The following POLG variants were observed in gnomAD, a reference collection of about 807,000 sequenced individuals.
POLG encodes the protein DNA polymerase gamma, catalytic subunit, also known as DNA polymerase subunit gamma-1.
POLG carries 110 observed loss-of-function variants against 155.4 expected under a neutral mutation model. That is an observed-to-expected ratio of 0.71 (90% CI 0.61 to 0.83). The LOEUF is 0.83. Among genes scored for constraint, POLG ranks in the 40% least tolerant of loss-of-function variants. The probability of loss-of-function intolerance (pLI) is 0.00; values close to 1 mark genes in which losing one functional copy is unlikely to be tolerated. For missense variants in POLG, 1,685 were observed against 1,627.5 expected (o/e 1.04, Z -0.61); for synonymous variants, 701 against 631.5 (o/e 1.11, Z -1.65).
At chr15:89,323,059 GCA>G (rs55973654) in intron 13 of POLG, among the ~76,000 whole-genome samples, 157 bp from the exon 14 acceptor site, 11 of 150,620 alleles carry the variant, frequency 7.3e-5, no homozygotes, top group South Asian at 2.1e-4. Context: ...ACGCGCGCAC[GCA>G]CACACACACG....
chr15:89,333,772 C>G lies in POLG; in HGVS notation c.-18G>C. On this transcript the variant is annotated 5_prime_UTR_variant, in exon 2 of 23. Transcript: ENST00000268124. ...CGGCTCATGGTTGGTGCAGGGACCC[C>G]CACGCTGGGAGTCAGAACACCTGGC... 6.5e-7 allele frequency: 1 copy of G among 1,534,988 alleles called. No individual in the cohort carries two copies. Among genetic ancestry groups the G allele is most frequent in the East Asian group, 2.4e-5 (1 of 40,872 alleles).
intron 2 of POLG, 65 bp from the exon 3 acceptor site, chr15:89,330,341 A>C (rs2055578214): frequency 2.5e-6 from 3 of 1,215,032 alleles, no homozygotes; most frequent in African/African-American, 1.5e-5. Flanking sequence ...CACAACAACC[A>C]CTGCACACCT....
At position 89,316,416 on chromosome 15, in the gene POLG, G is replaced by C. The variant is rs2055265684; in HGVS notation, c.*335C>G. On this transcript the variant is annotated 3_prime_UTR_variant, in exon 23 of 23. Coordinates refer to ENST00000268124, the MANE Select transcript of POLG (RefSeq NM_002693.3). ...TTCTAGGGCACTGCATCAGAGCATG[G>C]GGGACAGAACAAAGAACCAGCCAAG... The C allele has an allele frequency of 6.2e-7, 1 of 1,611,762 alleles. No individual in the cohort carries two copies. Among genetic ancestry groups the C allele is most frequent in the Non-Finnish European group, 8.5e-7 (1 of 1,178,604 alleles).
chr15:89,327,126 C>CG, intron 7 of POLG, 41 bp downstream of exon 7: 1 of 1,614,158 alleles, frequency 6.2e-7, no homozygotes. Flanking sequence ...GCCCACCTGC[C>CG]AGTCCCCTGC....
chr15:89,325,414 G>A (rs2055501220), intron 10 of POLG, 36 bp downstream of exon 10: 1 of 1,445,688 alleles, frequency 6.9e-7, no homozygotes, highest in African/African-American at 1.4e-5. Context: ...GGGTCCCTAG[G>A]CTCCAGCCCC....
Position 89,318,997 on chromosome 15 carries a change from T to A in POLG, c.3207A>T (p.Ile1069=). The A allele has an allele frequency of 6.2e-7, 1 of 1,614,102 alleles. No individual in the cohort carries two copies. The highest frequency in any genetic ancestry group is 8.5e-7 in the Non-Finnish European group (1 of 1,179,992). ...AGCAGCCCAGCACCGGGGTACGTGGTATGTCAGACGTAGCAATGCTCTCAA... is the reference window on the plus strand; with the variant it reads ...AGCAGCCCAGCACCGGGGTACGTGGAATGTCAGACGTAGCAATGCTCTCAA... The part of the protein sequence containing the change: ...NKLESIATSD[I]PRTPVLGCCI... The change falls in exon 20 of 23, where the codon ATA becomes ATT. Residue 1069 remains isoleucine (I), a synonymous_variant. Coordinates refer to ENST00000268124, the MANE Select transcript of POLG (RefSeq NM_002693.3).
rs1391849070 is a variant in POLG, at chr15:89,321,816, T to A, written c.2518A>T (p.Ile840Phe). 1 of 1,614,000 alleles carries A rather than the reference T, an allele frequency of 6.2e-7. No homozygotes were observed. Among genetic ancestry groups the A allele is most frequent in the Admixed American group, 1.7e-5 (1 of 60,030 alleles). The change falls in exon 16 of 23, where the codon ATC (isoleucine) becomes TTC (phenylalanine). Residue 840 changes from isoleucine to phenylalanine, a missense_variant. Physicochemically the swap from Ile to Phe is conservative, Grantham distance 21 (BLOSUM62 0). Around this residue, in one of 3 missense-constraint regions of POLG, gnomAD observed 1,210 missense variants for 1,167.1 expected, o/e 1.04. Coordinates refer to ENST00000268124, the MANE Select transcript of POLG (RefSeq NM_002693.3). ...DYDEEGLYGA[I>F]LPQVVTAGTI... ...CCGGCAGTCACCACTTGGGGCAGGA[T>A]GGCCCCATAGAGGCCTTCCTCATCA...
chr15:89,320,167 C>T lies in POLG; in HGVS notation c.2981+599G>A, dbSNP rs151019796. On this transcript the variant is annotated intron_variant, in intron 18 of 22. Transcript: ENST00000268124. Reference sequence around the variant, plus strand: ...GTTGTTGACGAGAAAGTGAAGTTTCCACAATGAGCCAGCTAATTAAATGTG... The same window carrying T: ...GTTGTTGACGAGAAAGTGAAGTTTCTACAATGAGCCAGCTAATTAAATGTG... 2.4e-3 allele frequency among the ~76,000 whole-genome samples: 370 copies of T among 152,314 alleles called. 2 individuals are homozygous for T. Among genetic ancestry groups the T allele is most frequent in the Non-Finnish European group, 4.4e-3 (299 of 68,030 alleles).
rs756944016 is a variant in POLG, at chr15:89,323,806, A to G, written c.2157+9T>C. ...CCACCTAGAGAACCCAAGCCGGCGC[A>G]CTGCTCACCAGAGCTAGGGGTTGAC... On this transcript the variant is annotated intron_variant, in intron 12 of 22. Transcript: ENST00000268124. 2 of 1,610,866 alleles carry G rather than the reference A, an allele frequency of 1.2e-6. No homozygotes were observed. The highest frequency in any genetic ancestry group is 2.2e-5 in the South Asian group (2 of 91,026).
chr15:89,331,870 C>T (rs958655114), intron 2 of POLG, among the ~76,000 whole-genome samples: 1 of 151,532 alleles, frequency 6.6e-6, no homozygotes, highest in East Asian at 1.9e-4. Context: ...AGCAATGCCC[C>T]GAGTACCACT....
At position 89,321,219 on chromosome 15, in the gene POLG, G is replaced by A. The variant is rs1236111354; in HGVS notation, c.2640C>T (p.Ala880=). Reference sequence around the variant, plus strand: ...CACCCACAAGGGTGTAGCCAGGTGGGGCCTGCACCATGGCTTTCAACTCAC... The same window carrying A: ...CACCCACAAGGGTGTAGCCAGGTGGAGCCTGCACCATGGCTTTCAACTCAC... ...VGSELKAMVQ[A]PPGYTLVGAD... Residue 880 remains alanine (A), a synonymous_variant, in exon 17 of 23, where the codon GCC becomes GCT. Coordinates refer to ENST00000268124, the MANE Select transcript of POLG (RefSeq NM_002693.3). 1.6e-5 allele frequency: 26 copies of A among 1,614,010 alleles called. No individual in the cohort carries two copies. Among genetic ancestry groups the A allele is most frequent in the Non-Finnish European group, 2.1e-5 (25 of 1,179,968 alleles).
At chr15:89,329,214 C>T in intron 3 of POLG, 104 bp from the exon 4 acceptor site, 1 of 880,506 alleles carries the variant, frequency 1.1e-6, no homozygotes, top group Admixed American at 2.0e-5. Context: ...ACCTCAGCTC[C>T]TCAAACAGCC....
chr15:89,328,557 G>C, intron 5 of POLG, 22 bp from the exon 6 acceptor site: 1 of 1,612,158 alleles, frequency 6.2e-7, no homozygotes, highest in Non-Finnish European at 8.5e-7. Flanking sequence ...TGACAGGAAG[G>C]CGCAAGGTGG....
intron 16 of POLG, 133 bp downstream of exon 16, chr15:89,321,603 A>C: frequency 1.3e-6 from 1 of 799,910 alleles, no homozygotes; most frequent in Non-Finnish European, 2.2e-6. Flanking sequence ...GCCAGATTTG[A>C]CTAGAGTCCT....
chr15:89,326,978 G>C lies in POLG; in HGVS notation c.1519C>G (p.Pro507Ala), dbSNP rs1470112126. Residue 507 changes from proline (P) to alanine (A), a missense_variant, in exon 8 of 23, where the codon CCA becomes GCA. Pro to Ala is a conservative substitution (Grantham distance 27). Around this residue, in one of 3 missense-constraint regions of POLG, gnomAD observed 1,210 missense variants for 1,167.1 expected, o/e 1.04. Transcript: ENST00000268124. ...ATGGGCAACTTGCTGGCTGTGGCTG[G>C]TTCCTTCTTCACCTTCTTAGCTTTC... Reference protein sequence around the residue: ...QKKAKKVKKEPATASKLPIEG... With the variant: ...QKKAKKVKKEAATASKLPIEG... 1.2e-6 allele frequency: 2 copies of C among 1,614,098 alleles called. No individual in the cohort carries two copies. The highest frequency in any genetic ancestry group is 1.7e-6 in the Non-Finnish European group (2 of 1,180,056).
At position 89,330,121 on chromosome 15, in the gene POLG, G is replaced by A; in HGVS notation, c.815C>T (p.Ser272Phe). 6.2e-7 allele frequency: 1 copy of A among 1,614,064 alleles called. No homozygotes were observed. The highest frequency in any genetic ancestry group is 8.5e-7 in the Non-Finnish European group (1 of 1,180,030). The stretch of plus-strand genomic sequence containing the variant: ...CTCCCTGATATGAGCTCGGTCAAAG[G>A]AAACATTGTGCCCCACCACTAACTG... ...QEQLVVGHNVSFDRAHIREQY... is the reference protein window; with the variant it reads ...QEQLVVGHNVFFDRAHIREQY... The change falls in exon 3 of 23, where the codon TCC (serine) becomes TTC (phenylalanine). Residue 272 changes from serine to phenylalanine, a missense_variant. Coordinates refer to ENST00000268124, the MANE Select transcript of POLG (RefSeq NM_002693.3).
In POLG at chr15:89,317,406, C is replaced by T. The variant is rs2055308219; in HGVS notation, c.3613G>A (p.Gly1205Arg). The change falls in exon 22 of 23, where the codon GGG (glycine) becomes AGG (arginine). Residue 1205 changes from glycine (G) to arginine (R), a missense_variant. Physicochemically the swap from Gly to Arg is moderately radical, Grantham distance 125. This residue lies in a region of POLG where 470 missense variants were observed against 439.9 expected (regional missense o/e 1.07). Coordinates refer to ENST00000268124, the MANE Select transcript of POLG (RefSeq NM_002693.3). ...MDCKTPSNPT[G>R]MERRYGIPQG... Reference sequence around the variant, plus strand: ...GGAATCCCGTATCTCCTTTCCATCCCAGTTGGGTTGGAAGGGGTTTTACAA... The same window carrying T: ...GGAATCCCGTATCTCCTTTCCATCCTAGTTGGGTTGGAAGGGGTTTTACAA... 2 of 1,614,010 alleles carry T rather than the reference C, an allele frequency of 1.2e-6. No homozygotes were observed. The highest frequency in any genetic ancestry group is 2.7e-5 in the African/African-American group (2 of 74,918).
chr15:89,322,878 T>C lies in POLG; in HGVS notation c.2290A>G (p.Ser764Gly). 6.2e-7 allele frequency: 1 copy of C among 1,613,350 alleles called. No individual in the cohort carries two copies. The highest frequency in any genetic ancestry group is 8.5e-7 in the Non-Finnish European group (1 of 1,179,900). The change falls in exon 14 of 23, where the codon AGC (serine) becomes GGC (glycine). Residue 764 changes from serine to glycine, a missense_variant. Transcript: ENST00000268124. Reference sequence around the variant, plus strand: ...GGCAGGAAGTCCTTGGCAAAGGGGCTTCCCACATTACAGCTATTACCATCC... The same window carrying C: ...GGCAGGAAGTCCTTGGCAAAGGGGCCTCCCACATTACAGCTATTACCATCC... ...HKDGNSCNVGSPFAKDFLPKM... is the reference protein window; with the variant it reads ...HKDGNSCNVGGPFAKDFLPKM...
intron 21 of POLG, chr15:89,318,167 A>C (rs970980589): frequency 4.8e-6 from 1 of 209,118 alleles, no homozygotes; most frequent in Non-Finnish European, 9.8e-6. Flanking sequence ...TTAAGAAAGA[A>C]AACATTTATG....
Sources: allele counts gnomAD v4.1 joint callset (sites outside exome capture counted in the v4.1 genomes callset), GRCh38; gene constraint gnomAD v4.1.1; regional missense constraint gnomAD v4.1.1; transcripts MANE v1.5; gene names NCBI Gene and HGNC (gene_info 2026-07-23, HGNC 2026-07-21).